The following NFE2L1 variants were observed in gnomAD, a reference collection of about 807,000 sequenced individuals.
The protein encoded by NFE2L1 is NFE2 like bZIP transcription factor 1, also known as endoplasmic reticulum membrane sensor NFE2L1.
Under a neutral mutation model 61.6 loss-of-function variants are expected in NFE2L1, and 18 were observed. That is an observed-to-expected ratio of 0.29 (90% CI 0.20 to 0.43). The LOEUF (loss-of-function observed/expected upper bound fraction) is 0.43. Ranked by LOEUF, NFE2L1 falls within the 20% of genes least tolerant of loss-of-function variation. The pLI is 1.00. For missense variants in NFE2L1, 827 were observed against 973.5 expected, an observed-to-expected ratio of 0.85 and a Z score of 2.00; for synonymous variants, 419 against 402.7, an observed-to-expected ratio of 1.04 and a Z score of -0.48.
chr17:48,051,166 C>T lies in NFE2L1; in HGVS notation c.48C>T (p.Thr16=), dbSNP rs764359168. 2.2e-5 allele frequency: 36 copies of T among 1,614,196 alleles called. No homozygotes were observed. Among genetic ancestry groups the T allele is most frequent in the Non-Finnish European group, 2.7e-5 (32 of 1,180,028 alleles). ...KYLTEGLLQF[T]ILLSLIGVRV... ...TAACGGAAGGACTTCTCCAGTTCAC[C>T]ATTCTGCTGAGTTTGATTGGGGTAC... The change falls in exon 2 of 6, where the codon ACC becomes ACT. Residue 16 remains threonine, a synonymous_variant. Coordinates refer to ENST00000362042, the MANE Select transcript of NFE2L1 (RefSeq NM_003204.3).
chr17:48,054,859 C>T (rs775898077), intron 2 of NFE2L1: 12 of 1,350,796 alleles, frequency 8.9e-6, no homozygotes, highest in African/African-American at 4.6e-5. Flanking sequence ...CTGGCTGGGC[C>T]GCCCAGGCAG....
In NFE2L1 at chr17:48,058,553, A is replaced by G. The variant is rs372767985; in HGVS notation, c.1231A>G (p.Thr411Ala). 3 of 1,613,636 alleles carry G rather than the reference A, an allele frequency of 1.9e-6. No homozygotes were observed. Among genetic ancestry groups the G allele is most frequent in the Non-Finnish European group, 2.5e-6 (3 of 1,179,700 alleles). ...CAGCCTCAACTCCACCTTCGGCTCC[A>G]CCAACCTGACAGGGCTCTTCTTTCC... The part of the protein sequence containing the change: ...STSLNSTFGS[T>A]NLTGLFFPPQ... The change falls in exon 6 of 6, where the codon ACC becomes GCC. Residue 411 changes from threonine (T) to alanine (A), a missense_variant. Thr to Ala is a moderately conservative substitution (Grantham distance 58, BLOSUM62 0). Transcript: ENST00000362042.
At chr17:48,055,885 C>G (rs1377987992) in intron 2 of NFE2L1, 1 of 159,630 alleles carries the variant, frequency 6.3e-6, no homozygotes, top group African/African-American at 2.4e-5. Context: ...ATTTTCCTCT[C>G]TAGCCCACCC....
At position 48,051,384 on chromosome 17, in the gene NFE2L1, C is replaced by T. The variant is rs2037245881; in HGVS notation, c.266C>T (p.Ala89Val). The change falls in exon 2 of 6, where the codon GCC (alanine) becomes GTC (valine). Residue 89 changes from alanine to valine, a missense_variant. Transcript: ENST00000362042. Reference protein sequence around the residue: ...TARRLLSQVRALDRFQVPTTE... With the variant: ...TARRLLSQVRVLDRFQVPTTE... ...CGGCGGCTCCTCAGTCAGGTGAGGG[C>T]CCTGGACAGGTTCCAGGTGCCAACC... is the stretch of plus-strand genomic sequence containing the variant. The T allele has an allele frequency of 6.2e-7, 1 of 1,614,016 alleles. No homozygotes were observed. Among genetic ancestry groups the T allele is most frequent in the African/African-American group, 1.3e-5 (1 of 74,910 alleles).
In NFE2L1 at chr17:48,061,235, G is replaced by A. The variant is rs1282900177; in HGVS notation, c.*1594G>A. The A allele has an allele frequency of 1.3e-5, 2 of 152,124 alleles. No individual in the cohort carries two copies. The highest frequency in any genetic ancestry group is 1.5e-5 in the Non-Finnish European group (1 of 68,034). 9.4% of individuals were successfully genotyped at this position (152,124 alleles called of 1,614,324 possible). On this transcript the variant is annotated 3_prime_UTR_variant, in exon 6 of 6. Transcript: ENST00000362042. The stretch of plus-strand genomic sequence containing the variant: ...GCCACTGCTGCCCTCACCCCTGCCC[G>A]GCTCTGGAGTACCGTCTGCCCCAGA...
rs1211949044 is a variant in NFE2L1 at position 48,058,494 on chromosome 17, C to A, written c.1172C>A (p.Ser391Tyr). ...GAAAGCCTGCCTGTGGCCAGTAGCT[C>A]CACGCTGCTCCCGTTGGCCCCCAGC... The part of the protein sequence containing the change: ...EVESLPVASS[S>Y]TLLPLAPSNS... Residue 391 changes from serine (S) to tyrosine (Y), a missense_variant, in exon 6 of 6, where the codon TCC (serine) becomes TAC (tyrosine). Physicochemically the swap from Ser to Tyr is moderately radical, Grantham distance 144 (BLOSUM62 -2). Coordinates refer to ENST00000362042, the MANE Select transcript of NFE2L1 (RefSeq NM_003204.3). 3 of 1,613,086 alleles carry A rather than the reference C, an allele frequency of 1.9e-6. No individual in the cohort carries two copies. The African/African-American group carries it at 4.0e-5, about 22-fold the overall frequency.
At chr17:48,053,590 G>C (rs1332698455) in intron 2 of NFE2L1, among the ~76,000 whole-genome samples, 1 of 152,222 alleles carries the variant, frequency 6.6e-6, no homozygotes, top group East Asian at 1.9e-4. Flanking sequence ...TCTGCCCAGA[G>C]CAGGGGGGTG....
chr17:48,051,601 C>T lies in NFE2L1; in HGVS notation c.483C>T (p.Pro161=). The T allele has an allele frequency of 2.4e-5, 39 of 1,613,894 alleles. No homozygotes were observed. Among genetic ancestry groups the T allele is most frequent in the Non-Finnish European group, 3.3e-5 (39 of 1,179,886 alleles). Residue 161 remains proline (P), a synonymous_variant, in exon 2 of 6, where the codon CCC becomes CCT. Transcript: ENST00000362042. The stretch of plus-strand genomic sequence containing the variant: ...TGGAGGATTTGGGGGCTGTAGCCCC[C>T]CCAGTCAGTGGAGACTTAACCAAAG... ...EDLEDLGAVA[P]PVSGDLTKED...
intron 1 of NFE2L1, 22 bp downstream of exon 1, chr17:48,048,484 T>G (rs1276304528): frequency 6.5e-6 from 1 of 152,782 alleles, no homozygotes; most frequent in Admixed American, 6.5e-5. Context: ...GCACATTCCT[T>G]TCCCAGAAGG....
At chr17:48,053,318 T>TTA (rs2037303884) in intron 2 of NFE2L1, among the ~76,000 whole-genome samples, 1 of 152,162 alleles carries the variant, frequency 6.6e-6, no homozygotes, top group Admixed American at 6.5e-5. Flanking sequence ...TCTCAGGCCT[T>TTA]TATAACTCCC....
chr17:48,056,115 C>T (rs796815519), intron 2 of NFE2L1: 2 of 469,360 alleles, frequency 4.3e-6, no homozygotes, highest in South Asian at 5.4e-5. Flanking sequence ...GTGTCTTGGT[C>T]CAGATCCTAA....
chr17:48,053,505 C>T (rs8082116), intron 2 of NFE2L1, among the ~76,000 whole-genome samples: 4,196 of 152,310 alleles, frequency 0.028, 205 homozygotes, highest in African/African-American at 0.097. Context: ...AGTACTCCCC[C>T]GCTGCCAGGC....
chr17:48,050,675 T>C lies in NFE2L1; in HGVS notation c.-444T>C. On this transcript the variant is annotated 5_prime_UTR_variant, in exon 2 of 6. Transcript: ENST00000362042. ...ACTCTGACCCAAGACGAAAGGCCTG[T>C]AGCTCCAGCCAAAGAAAATAAACCT... is the stretch of plus-strand genomic sequence containing the variant. 4.6e-6 allele frequency: 2 copies of C among 437,444 alleles called. No individual in the cohort carries two copies. The highest frequency in any genetic ancestry group is 8.1e-6 in the Non-Finnish European group (2 of 247,864). The allele number at this position is 437,444 out of a possible 1,614,324, so 27.1% of individuals were successfully genotyped here.
intron 5 of NFE2L1, 145 bp downstream of exon 5, chr17:48,057,647 C>G: frequency 1.9e-6 from 2 of 1,071,992 alleles, no homozygotes; most frequent in Non-Finnish European, 2.6e-6. Flanking sequence ...GAAACCTGTC[C>G]AGGTGTGTCC....
At chr17:48,056,248 G>C in intron 2 of NFE2L1, 138 bp from the exon 3 acceptor site, 1 of 820,512 alleles carries the variant, frequency 1.2e-6, no homozygotes, top group Non-Finnish European at 2.0e-6. Context: ...GGACCAGGGG[G>C]TAAAGGCTGG....
At chr17:48,049,961 T>G (rs1365019881) in intron 1 of NFE2L1, among the ~76,000 whole-genome samples, 1 of 152,058 alleles carries the variant, frequency 6.6e-6, no homozygotes, top group Non-Finnish European at 1.5e-5. Context: ...GCGCCTGTAG[T>G]GGGGGAGGAG....
In NFE2L1 at chr17:48,057,340, C is replaced by G; in HGVS notation, c.814-4C>G. 2 of 1,612,786 alleles carry G rather than the reference C, an allele frequency of 1.2e-6. No individual in the cohort carries two copies. Among genetic ancestry groups the G allele is most frequent in the Non-Finnish European group, 1.7e-6 (2 of 1,179,488 alleles). The stretch of plus-strand genomic sequence containing the variant: ...CTTGTTAAAGCCTCTGTGTTTTGCC[C>G]TAGTTTCCAGCAGACATTTCCAGCA... On this transcript the variant is annotated splice_polypyrimidine_tract_variant and splice_region_variant and intron_variant, in intron 4 of 5. Transcript: ENST00000362042.
chr17:48,053,612 G>C (rs2037311311), intron 2 of NFE2L1, among the ~76,000 whole-genome samples: 1 of 152,192 alleles, frequency 6.6e-6, no homozygotes, highest in Admixed American at 6.5e-5. Context: ...CCTGTTTACA[G>C]CTCTTTCCAG....
intron 2 of NFE2L1, among the ~76,000 whole-genome samples, chr17:48,053,138 T>C (rs942712101): frequency 2.6e-5 from 4 of 152,042 alleles, no homozygotes; most frequent in Non-Finnish European, 5.9e-5. Flanking sequence ...CAGGGGTGGG[T>C]GTAACTGGGT....
Sources: allele counts gnomAD v4.1 joint callset (sites outside exome capture counted in the v4.1 genomes callset), GRCh38; gene constraint gnomAD v4.1.1; transcripts MANE v1.5; gene names NCBI Gene and HGNC (gene_info 2026-07-23, HGNC 2026-07-21).